Variants in CFAP47 observed in about 807,000 individuals in gnomAD.
The protein encoded by CFAP47 is cilia and flagella associated protein 47, also known as cilia- and flagella-associated protein 47.
CFAP47 carries 29 observed loss-of-function variants against 148.1 expected under a neutral mutation model. That is an observed-to-expected ratio of 0.20 (90% CI 0.15 to 0.27). The LOEUF is 0.27. CFAP47 is among the 10% of genes least tolerant of loss of function. CFAP47 has a pLI of 1.00. For missense variants in CFAP47, 1,872 were observed against 1,697.5 expected, an observed-to-expected ratio of 1.10 and a Z score of -1.81; for synonymous variants, 664 against 577.3, an observed-to-expected ratio of 1.15 and a Z score of -2.15.
At chrX:35,930,930 C>T (rs766990442) in intron 2 of CFAP47, among the ~76,000 whole-genome samples, 10 of 110,709 alleles carry the variant, frequency 9.0e-5, no homozygotes, top group Admixed American at 3.9e-4. Context: ...TTTTAAATTC[C>T]GTTGATTGCT....
intron 46 of CFAP47, among the ~76,000 whole-genome samples, chrX:36,233,062 T>A (rs1276252491): frequency 9.0e-6 from 1 of 111,467 alleles, no homozygotes; most frequent in East Asian, 2.8e-4. Flanking sequence ...GAATAGGTGT[T>A]GTGTGGTGCT....
Position 36,384,987 on chromosome X carries a change from C to A in CFAP47, c.9545C>A (p.Pro3182His), listed in dbSNP as rs1942114999. ...TGVSSTIKGAPLVKNQ is the reference protein window; with the variant it reads ...TGVSSTIKGAHLVKNQ The stretch of plus-strand genomic sequence containing the variant: ...GTGTCTTCCACCATCAAGGGTGCTC[C>A]TTTGGTGAAGAATCAATAAAATTTT... Residue 3182 changes from proline (P) to histidine (H), a missense_variant, in exon 64 of 64, where the codon CCT becomes CAT. Transcript: ENST00000378653. The A allele has an allele frequency of 1.6e-5, 19 of 1,159,585 alleles. No individual in the cohort carries two copies. Among genetic ancestry groups the A allele is most frequent in the Non-Finnish European group, 1.8e-5 (16 of 866,332 alleles).
At chrX:36,115,020 TTTTTGC>T (rs1161242697) in intron 33 of CFAP47, among the ~76,000 whole-genome samples, 3 of 111,527 alleles carry the variant, frequency 2.7e-5, no homozygotes, top group Non-Finnish European at 5.6e-5. Context: ...TTTATAGTAC[TTTTTGC>T]TTTGTCTGGA....
chrX:35,921,000 G>A (rs758261734), intron 1 of CFAP47, among the ~76,000 whole-genome samples: 2 of 111,741 alleles, frequency 1.8e-5, no homozygotes, highest in East Asian at 5.6e-4. Context: ...TAAAAAAATC[G>A]ATGTATTATT....
chrX:36,176,042 A>G (rs1256265748), intron 39 of CFAP47, among the ~76,000 whole-genome samples: 1 of 102,313 alleles, frequency 9.8e-6, no homozygotes, highest in African/African-American at 3.6e-5. Context: ...CGCAGTATTC[A>G]GGTGGGAGTG....
intron 22 of CFAP47, among the ~76,000 whole-genome samples, chrX:36,025,301 C>T (rs1418770048): frequency 3.6e-5 from 4 of 110,831 alleles, no homozygotes; most frequent in Admixed American, 9.6e-5. Flanking sequence ...GTTTTACTCC[C>T]TCCTTGGTGT....
intron 32 of CFAP47, among the ~76,000 whole-genome samples, chrX:36,103,739 G>A (rs1244033200): frequency 9.1e-6 from 1 of 110,001 alleles, no homozygotes; most frequent in East Asian, 2.9e-4. Flanking sequence ...ACTTTAATGT[G>A]AACCAATGCT....
At chrX:35,928,418 A>G (rs1249120801) in intron 2 of CFAP47, among the ~76,000 whole-genome samples, 3 of 111,849 alleles carry the variant, frequency 2.7e-5, no homozygotes, top group Admixed American at 1.9e-4. Context: ...GATGTTGACA[A>G]CATATTTTCA....
chrX:35,990,943 C>A (rs1399742233), intron 16 of CFAP47, among the ~76,000 whole-genome samples: 3 of 111,685 alleles, frequency 2.7e-5, no homozygotes, highest in Non-Finnish European at 5.7e-5. Context: ...ACCTTCTCTT[C>A]TTTCCCCATG....
In CFAP47 at chrX:35,926,163, A is replaced by C; in HGVS notation, c.396A>C (p.Leu132=). 2 of 1,193,975 alleles carry C rather than the reference A, an allele frequency of 1.7e-6. No homozygotes were observed. Among genetic ancestry groups the C allele is most frequent in the Non-Finnish European group, 2.3e-6 (2 of 881,043 alleles). Residue 132 remains leucine (L), a synonymous_variant, in exon 2 of 64, where the codon CTA becomes CTC. Transcript: ENST00000378653. ...SIENKTTEIP[L]IGLIPSCQLE... ...AAAATAAAACAACAGAAATTCCTCT[A>C]ATTGGGTATGTAATCTTCATAGTTC...
Position 36,138,006 on chromosome X carries a change from C to T in CFAP47, c.5369C>T (p.Ser1790Leu). The change falls in exon 34 of 64, where the codon TCA becomes TTA. Residue 1790 changes from serine (S) to leucine (L), a missense_variant. Physicochemically the swap from Ser to Leu is moderately radical, Grantham distance 145 (BLOSUM62 -2). Coordinates refer to ENST00000378653, the MANE Select transcript of CFAP47 (RefSeq NM_001304548.2). ...RWIVNFDKDL[S>L]DGLVFATQLG... ...ATAGTAAATTTTGACAAAGACCTTT[C>T]AGATGGTCTTGTTTTTGCAACACAG... 1.0e-6 allele frequency: 1 copy of T among 973,110 alleles called. No homozygotes were observed. Among genetic ancestry groups the T allele is most frequent in the Non-Finnish European group, 1.5e-6 (1 of 683,540 alleles). The allele number at this position is 973,110 out of a possible 1,213,427, so 80.2% of individuals were successfully genotyped here.
rs763205986 is a variant in CFAP47 at position 36,172,909 on chromosome X, G to A, written c.6027-6436G>A. Among the ~76,000 whole-genome samples the A allele has an allele frequency of 3.6e-3, 399 of 111,190 alleles. 1 individual carries two copies. Among genetic ancestry groups the A allele is most frequent in the African/African-American group, 0.012 (361 of 30,557 alleles). ...CTCCTTGTACCTCTGGTAGAATTCG[G>A]CTGTGAATCCATCTGGTCCTGGACT... is the stretch of plus-strand genomic sequence containing the variant. On this transcript the variant is annotated intron_variant, in intron 39 of 63. Coordinates refer to ENST00000378653, the MANE Select transcript of CFAP47 (RefSeq NM_001304548.2).
At position 35,960,380 on chromosome X, in the gene CFAP47, G is replaced by GGAAAAA. The variant is rs1227681980; in HGVS notation, c.1410+4184_1410+4185insGAAAAA. ...CTTTAACATTAGCTTGCTAATTTCT[G>GGAAAAA]AAAAAAAAAAAAAAAAAAAAAAAAA... On this transcript the variant is annotated intron_variant, in intron 8 of 63. Coordinates refer to ENST00000378653, the MANE Select transcript of CFAP47 (RefSeq NM_001304548.2). Among the ~76,000 whole-genome samples, 145 of 15,480 alleles carry GGAAAAA rather than the reference G, an allele frequency of 9.4e-3. 6 individuals carry two copies. The highest frequency in any genetic ancestry group is 0.037 in the African/African-American group (141 of 3,812). 13.4% of individuals were successfully genotyped at this position (15,480 alleles called of 115,157 possible).
chrX:36,236,657 A>G (rs1555994721), intron 47 of CFAP47, 29 bp from the exon 48 acceptor site: 1 of 519,882 alleles, frequency 1.9e-6, no homozygotes, highest in Non-Finnish European at 3.5e-6. Context: ...TGACTCCTAT[A>G]GACCTGAAAT....
intron 57 of CFAP47, among the ~76,000 whole-genome samples, chrX:36,335,292 C>T (rs1602113491): frequency 9.0e-6 from 1 of 110,880 alleles, no homozygotes; most frequent in Non-Finnish European, 1.9e-5. Flanking sequence ...GTCAACAAGC[C>T]CTACCAACCT....
chrX:36,311,074 C>A, intron 56 of CFAP47, 85 bp downstream of exon 56: 1 of 508,340 alleles, frequency 2.0e-6, no homozygotes, highest in South Asian at 5.8e-5. Context: ...CATTTTAGAA[C>A]AAATGAATAC....
chrX:36,165,322 A>G (rs1939477369), intron 39 of CFAP47, among the ~76,000 whole-genome samples: 1 of 111,359 alleles, frequency 9.0e-6, no homozygotes, highest in South Asian at 3.7e-4. Flanking sequence ...TTTTTTAATA[A>G]TAGTGAATAT....
intron 55 of CFAP47, among the ~76,000 whole-genome samples, chrX:36,310,003 G>T (rs782155375): frequency 6.2e-4 from 68 of 109,549 alleles, no homozygotes; most frequent in African/African-American, 2.2e-3. Context: ...CTTATTTGAA[G>T]TAATCTTCAA....
intron 21 of CFAP47, among the ~76,000 whole-genome samples, chrX:36,003,109 G>A (rs985791131): frequency 9.0e-6 from 1 of 110,568 alleles, no homozygotes; most frequent in Non-Finnish European, 1.9e-5. Flanking sequence ...ATTAGGTTGA[G>A]GAAGTTTCCT....
Sources: gnomAD v4.1 joint callset for allele counts (sites outside exome capture counted in the v4.1 genomes callset) on GRCh38, gnomAD v4.1.1 for gene constraint, MANE v1.5 for transcripts, NCBI Gene and HGNC (gene_info 2026-07-23, HGNC 2026-07-21) for gene names.